The following ELP3 variants were observed in gnomAD, a reference collection of about 807,000 sequenced individuals.
ELP3 encodes elongator acetyltransferase complex subunit 3.
In ELP3, 56 loss-of-function variants were observed where a neutral mutation model predicts 74.9. That is an observed-to-expected ratio of 0.75 (90% CI 0.60 to 0.93). ELP3 has a LOEUF of 0.93. ELP3 is among the 40% of genes least tolerant of loss of function. The pLI, the probability that ELP3 is intolerant of heterozygous loss-of-function variation, is 0.00. For synonymous variants in ELP3, 222 were observed against 239.8 expected (o/e 0.93, Z 0.68); for missense variants, 573 against 686.5 (o/e 0.83, Z 1.85).
Position 28,160,464 on chromosome 8 carries a change from G to A in ELP3, c.1485+8G>A, listed in dbSNP as rs754247577. 1.2e-6 allele frequency: 2 copies of A among 1,609,054 alleles called. No homozygotes were observed. The highest frequency in any genetic ancestry group is 1.7e-6 in the Non-Finnish European group (2 of 1,177,322). Reference sequence around the variant, plus strand: ...ACTAAATTTCAGCATCAGGTATCCTGTATTCCATTTCTATTTGACTTCTAA... The same window carrying A: ...ACTAAATTTCAGCATCAGGTATCCTATATTCCATTTCTATTTGACTTCTAA... On this transcript the variant is annotated splice_region_variant and intron_variant, in intron 13 of 14. Transcript: ENST00000256398.
At position 28,128,368 on chromosome 8, in the gene ELP3, C is replaced by T. The variant is rs1191429880; in HGVS notation, c.618-1134C>T. Among the ~76,000 whole-genome samples, 3 of 152,080 alleles carry T rather than the reference C, an allele frequency of 2.0e-5. No individual in the cohort carries two copies. In the South Asian group the frequency reaches 6.2e-4, roughly 32 times the overall value. Reference sequence around the variant, plus strand: ...GCACGCACCTGTAATCCTAGCTACTCGGGAGGCTGAAGCACAAGAAATGCT... The same window carrying T: ...GCACGCACCTGTAATCCTAGCTACTTGGGAGGCTGAAGCACAAGAAATGCT... On this transcript the variant is annotated intron_variant, in intron 7 of 14. Transcript: ENST00000256398.
chr8:28,156,892 G>C (rs1813848535), intron 11 of ELP3, among the ~76,000 whole-genome samples: 2 of 152,258 alleles, frequency 1.3e-5, no homozygotes, highest in South Asian at 4.1e-4. Context: ...GTTCAGGGGA[G>C]AGTTTGTGAA....
intron 2 of ELP3, among the ~76,000 whole-genome samples, 191 bp from the exon 3 acceptor site, chr8:28,099,637 G>A (rs1409956137): frequency 6.6e-6 from 1 of 152,150 alleles, no homozygotes; most frequent in African/African-American, 2.4e-5. Context: ...CTCAAGGGTG[G>A]GAAGTAGTCA....
intron 10 of ELP3, among the ~76,000 whole-genome samples, chr8:28,142,204 TATATG>T (rs1813267177): frequency 6.6e-6 from 1 of 152,136 alleles, no homozygotes; most frequent in South Asian, 2.1e-4. Context: ...GGAGAACACT[TATATG>T]ATACAACCGA....
At chr8:28,167,782 C>T (rs1416780813) in intron 14 of ELP3, among the ~76,000 whole-genome samples, 1 of 152,130 alleles carries the variant, frequency 6.6e-6, no homozygotes. Flanking sequence ...CTGTATATTC[C>T]TCTGTTCCAT....
intron 12 of ELP3, 142 bp from the exon 13 acceptor site, chr8:28,160,087 G>GA (rs1173085619): frequency 1.5e-5 from 11 of 735,742 alleles, no homozygotes; most frequent in Non-Finnish European, 2.2e-5. Flanking sequence ...TTTGAGAGTA[G>GA]ACAAGTAAAA....
At chr8:28,123,828 G>GCC (rs1563259730) in intron 7 of ELP3, among the ~76,000 whole-genome samples, 1 of 151,254 alleles carries the variant, frequency 6.6e-6, no homozygotes, top group East Asian at 2.0e-4. Context: ...TAATTTAGCC[G>GCC]TCATGTGCTT....
At chr8:28,106,539 C>CAAAAA (rs61714722) in intron 3 of ELP3, among the ~76,000 whole-genome samples, 174 bp from the exon 4 acceptor site, 1 of 112,698 alleles carries the variant, frequency 8.9e-6, no homozygotes, top group Non-Finnish European at 2.1e-5. Flanking sequence ...GACTCCGTCT[C>CAAAAA]AAAAAAAAAA....
At chr8:28,152,890 C>T (rs555756662) in intron 10 of ELP3, among the ~76,000 whole-genome samples, 1 of 152,312 alleles carries the variant, frequency 6.6e-6, no homozygotes, top group East Asian at 1.9e-4. Context: ...GCTCTTACTG[C>T]ATTTAGGTCT....
At chr8:28,178,912 T>C (rs1814876317) in intron 14 of ELP3, among the ~76,000 whole-genome samples, 1 of 152,266 alleles carries the variant, frequency 6.6e-6, no homozygotes, top group Non-Finnish European at 1.5e-5. Context: ...CTGAAGTTGC[T>C]GTGTGCACAT....
intron 14 of ELP3, among the ~76,000 whole-genome samples, chr8:28,165,904 A>T (rs901703068): frequency 2.6e-5 from 4 of 152,326 alleles, no homozygotes; most frequent in Non-Finnish European, 4.4e-5. Context: ...TTATCTTTTT[A>T]AAAAGATGAC....
chr8:28,182,667 T>C (rs1585761221), intron 14 of ELP3, among the ~76,000 whole-genome samples: 1 of 151,976 alleles, frequency 6.6e-6, no homozygotes, highest in Non-Finnish European at 1.5e-5. Flanking sequence ...CCATTTTTAC[T>C]AAAGAGCATT....
chr8:28,137,765 G>A lies in ELP3; in HGVS notation c.974G>A (p.Gly325Glu). 1 of 1,614,116 alleles carries A rather than the reference G, an allele frequency of 6.2e-7. No homozygotes were observed. Among genetic ancestry groups the A allele is most frequent in the Non-Finnish European group, 8.5e-7 (1 of 1,180,006 alleles). Reference sequence around the variant, plus strand: ...CTCTATCCTACCCTGGTGATTCGTGGGACCGGGCTTTATGAGCTTTGGAAA... The same window carrying A: ...CTCTATCCTACCCTGGTGATTCGTGAGACCGGGCTTTATGAGCTTTGGAAA... ...LKLYPTLVIRGTGLYELWKSG... is the reference protein window; with the variant it reads ...LKLYPTLVIRETGLYELWKSG... Residue 325 changes from glycine to glutamate, a missense_variant, in exon 10 of 15, where the codon GGG (glycine) becomes GAG (glutamate). By Grantham distance (98) the Gly-to-Glu change is moderately conservative. Coordinates refer to ENST00000256398, the MANE Select transcript of ELP3 (RefSeq NM_018091.6).
At position 28,162,539 on chromosome 8, in the gene ELP3, A is replaced by G. The variant is rs73668162; in HGVS notation, c.1567+461A>G. On this transcript the variant is annotated intron_variant, in intron 14 of 14. Transcript: ENST00000256398. ...TTCAATTTTGTTCTCAGTAACTTCA[A>G]TCCTGGGGAACAGCTTTCCCCTGTT... is the stretch of plus-strand genomic sequence containing the variant. 4.5e-3 allele frequency among the ~76,000 whole-genome samples: 687 copies of G among 152,260 alleles called. 8 individuals are homozygous for G. The highest frequency in any genetic ancestry group is 0.016 in the African/African-American group (646 of 41,552).
chr8:28,132,598 A>C (rs1812823098), intron 9 of ELP3, among the ~76,000 whole-genome samples, 194 bp downstream of exon 9: 1 of 152,188 alleles, frequency 6.6e-6, no homozygotes, highest in Non-Finnish European at 1.5e-5. Flanking sequence ...CATTTTAATG[A>C]ATTCTTTCCA....
intron 7 of ELP3, among the ~76,000 whole-genome samples, chr8:28,126,402 T>C (rs1812579392): frequency 6.6e-6 from 1 of 152,192 alleles, no homozygotes; most frequent in Admixed American, 6.5e-5. Flanking sequence ...TAGCATCTTT[T>C]ATAGCTGGTG....
At chr8:28,158,223 G>A (rs1813916246) in intron 11 of ELP3, among the ~76,000 whole-genome samples, 1 of 152,008 alleles carries the variant, frequency 6.6e-6, no homozygotes, top group African/African-American at 2.4e-5. Context: ...CTTTCAGATA[G>A]TTATATCCCC....
At chr8:28,114,003 C>G (rs535789565) in intron 7 of ELP3, among the ~76,000 whole-genome samples, 12 of 151,988 alleles carry the variant, frequency 7.9e-5, no homozygotes, top group Admixed American at 4.6e-4. Flanking sequence ...TTGTTTTTAG[C>G]AAGAAGAATA....
intron 10 of ELP3, among the ~76,000 whole-genome samples, chr8:28,144,392 T>G (rs745710491): frequency 3.3e-5 from 5 of 152,208 alleles, no homozygotes; most frequent in Non-Finnish European, 7.3e-5. Flanking sequence ...GGTAGATCGC[T>G]TGAGCCTAGG....
Sources: gnomAD v4.1 joint callset for allele counts (sites outside exome capture counted in the v4.1 genomes callset) on GRCh38, gnomAD v4.1.1 for gene constraint, MANE v1.5 for transcripts, NCBI Gene and HGNC (gene_info 2026-07-23, HGNC 2026-07-21) for gene names.